The following ARHGAP6 variants were observed in gnomAD, a reference collection of about 807,000 sequenced individuals.
ARHGAP6 encodes the protein rho GTPase-activating protein 6.
A neutral mutation model predicts 55.7 loss-of-function variants in ARHGAP6; 16 were observed. The observed-to-expected ratio is 0.29, with a 90% confidence interval of 0.19 to 0.44. The LOEUF (loss-of-function observed/expected upper bound fraction) is 0.44, where lower values mean the gene tolerates loss of function less well. ARHGAP6 is among the 20% of genes least tolerant of loss of function. The probability of loss-of-function intolerance (pLI) is 1.00; values close to 1 mark genes in which losing one functional copy is unlikely to be tolerated. For synonymous variants in ARHGAP6, 382 were observed against 360.9 expected, an observed-to-expected ratio of 1.06 and a Z score of -0.66; for missense variants, 698 against 808.9, an observed-to-expected ratio of 0.86 and a Z score of 1.66.
intron 1 of ARHGAP6, among the ~76,000 whole-genome samples, chrX:11,587,903 C>T (rs2147125803): frequency 8.9e-6 from 1 of 112,575 alleles, no homozygotes; most frequent in South Asian, 3.7e-4. Flanking sequence ...AATCTTATGA[C>T]AGAATAAATT....
chrX:11,167,239 G>A (rs1217274474), intron 9 of ARHGAP6, among the ~76,000 whole-genome samples: 1 of 111,654 alleles, frequency 9.0e-6, no homozygotes, highest in Non-Finnish European at 1.9e-5. Context: ...TACATTTCTA[G>A]GGAGTGGCGA....
At position 11,665,219 on chromosome X, in the gene ARHGAP6, G is replaced by A; in HGVS notation, c.-391C>T. On this transcript the variant is annotated 5_prime_UTR_variant, in exon 1 of 13. Coordinates refer to ENST00000337414, the MANE Select transcript of ARHGAP6 (RefSeq NM_013427.3). ...GGCGGGAGACGCAGCGCTCCTGCTC[G>A]CTGGCTCTGGATGGCCTCTAAGACT... is the stretch of plus-strand genomic sequence containing the variant. The A allele has an allele frequency of 7.0e-6, 1 of 143,628 alleles. No individual in the cohort carries two copies. The highest frequency in any genetic ancestry group is 3.1e-5 in the African/African-American group (1 of 32,519). The allele number at this position is 143,628 out of a possible 1,213,427, so 11.8% of individuals were successfully genotyped here.
intron 1 of ARHGAP6, among the ~76,000 whole-genome samples, chrX:11,305,477 G>C (rs764386400): frequency 8.9e-6 from 1 of 112,409 alleles, no homozygotes; most frequent in African/African-American, 3.2e-5. Flanking sequence ...TGTTTCTTGG[G>C]AGGTTACAAG....
chrX:11,347,944 T>C (rs1353115981), intron 1 of ARHGAP6, among the ~76,000 whole-genome samples: 1 of 111,913 alleles, frequency 8.9e-6, no homozygotes, highest in Non-Finnish European at 1.9e-5. Context: ...CACTCACAAA[T>C]TGCCACTTTG....
chrX:11,529,989 G>C (rs918392619), intron 1 of ARHGAP6, among the ~76,000 whole-genome samples: 1 of 111,596 alleles, frequency 9.0e-6, no homozygotes, highest in African/African-American at 3.3e-5. Context: ...GTATGGATTT[G>C]CCACTTCAGA....
intron 1 of ARHGAP6, among the ~76,000 whole-genome samples, chrX:11,291,446 A>G (rs1569288137): frequency 9.0e-6 from 1 of 111,592 alleles, no homozygotes; most frequent in African/African-American, 3.3e-5. Flanking sequence ...GAGAAAAAGT[A>G]TAAGATCAAT....
chrX:11,337,213 T>C (rs972777597), intron 1 of ARHGAP6, among the ~76,000 whole-genome samples: 2 of 111,233 alleles, frequency 1.8e-5, no homozygotes, highest in African/African-American at 6.5e-5. Flanking sequence ...GCATATAATA[T>C]ACAATATAAT....
chrX:11,298,752 C>A, intron 1 of ARHGAP6: 1 of 1,211,295 alleles, frequency 8.3e-7, no homozygotes, highest in Non-Finnish European at 1.1e-6. Context: ...ACACCACCAG[C>A]CAAACCTCCC....
chrX:11,292,888 T>C (rs1017548864), intron 1 of ARHGAP6, among the ~76,000 whole-genome samples: 9 of 111,564 alleles, frequency 8.1e-5, no homozygotes, highest in Non-Finnish European at 1.5e-4. Context: ...AAAAATACCT[T>C]CAATGGAAGC....
intron 1 of ARHGAP6, among the ~76,000 whole-genome samples, chrX:11,364,058 C>T (rs995593279): frequency 3.6e-4 from 40 of 111,675 alleles, no homozygotes; most frequent in African/African-American, 1.3e-3. Flanking sequence ...TGCAGCAACA[C>T]GGATGGAACT....
chrX:11,323,643 T>A (rs1296121127), intron 1 of ARHGAP6, among the ~76,000 whole-genome samples: 1 of 111,303 alleles, frequency 9.0e-6, no homozygotes, highest in Non-Finnish European at 1.9e-5. Context: ...GGTGCACAGA[T>A]CACCTGAGGT....
rs142674349 is a variant in ARHGAP6 at position 11,279,535 on chromosome X, A to G, written c.589-24828T>C. Among the ~76,000 whole-genome samples, 244 of 104,985 alleles carry G rather than the reference A, an allele frequency of 2.3e-3. 1 individual carries two copies. The highest frequency in any genetic ancestry group is 7.8e-3 in the African/African-American group (233 of 29,690). 91.2% of individuals were successfully genotyped at this position (104,985 alleles called of 115,157 possible). A position where few individuals can be genotyped will look rare whatever the true frequency, so the allele number is the denominator to read the frequency against. ...TCATAGCACTTAATGTTTTCTCCAC[A>G]TTTCCATTTCCCATTGCCTGTGTTC... On this transcript the variant is annotated intron_variant, in intron 1 of 12. Transcript: ENST00000337414.
intron 1 of ARHGAP6, among the ~76,000 whole-genome samples, chrX:11,454,770 C>T (rs906298392): frequency 9.8e-5 from 11 of 112,203 alleles, no homozygotes. Flanking sequence ...TTGGTGTGCA[C>T]TGGGCATTTT....
chrX:11,188,399 C>G (rs1016663432), intron 4 of ARHGAP6, among the ~76,000 whole-genome samples: 1 of 111,905 alleles, frequency 8.9e-6, no homozygotes, highest in African/African-American at 3.3e-5. Context: ...GCCCTGCCCT[C>G]GAGCCTCACA....
chrX:11,356,359 C>T (rs1172445956), intron 1 of ARHGAP6, among the ~76,000 whole-genome samples: 5 of 111,378 alleles, frequency 4.5e-5, no homozygotes, highest in Non-Finnish European at 9.4e-5. Context: ...CAGCAAACCA[C>T]CATGGCACAT....
intron 1 of ARHGAP6, among the ~76,000 whole-genome samples, chrX:11,278,689 T>C (rs192501548): frequency 1.8e-5 from 2 of 111,622 alleles, no homozygotes; most frequent in East Asian, 2.8e-4. Context: ...TTCCAAGCTG[T>C]TCCATAATCA....
chrX:11,221,382 T>C, intron 2 of ARHGAP6: 1 of 155,684 alleles, frequency 6.4e-6, no homozygotes. Flanking sequence ...ATATTGCAGG[T>C]ATGTTTTAGG....
chrX:11,434,273 T>A (rs1478829615), intron 1 of ARHGAP6, among the ~76,000 whole-genome samples: 1 of 111,990 alleles, frequency 8.9e-6, no homozygotes, highest in Non-Finnish European at 1.9e-5. Context: ...TAGCAGTACC[T>A]CTCACACCAA....
chrX:11,354,202 G>T (rs2048896794), intron 1 of ARHGAP6, among the ~76,000 whole-genome samples: 1 of 105,724 alleles, frequency 9.5e-6, no homozygotes, highest in East Asian at 3.0e-4. Flanking sequence ...CTACAAGTTT[G>T]TTGCAATGAT....
Sources: allele counts gnomAD v4.1 joint callset (sites outside exome capture counted in the v4.1 genomes callset), GRCh38; gene constraint gnomAD v4.1.1; transcripts MANE v1.5; gene names NCBI Gene and HGNC (gene_info 2026-07-23, HGNC 2026-07-21).